Variants in CDC42BPG observed in about 807,000 individuals in gnomAD.
CDC42BPG encodes the protein CDC42 binding protein kinase gamma, also known as serine/threonine-protein kinase MRCK gamma.
Under a neutral mutation model 192.2 loss-of-function variants are expected in CDC42BPG, and 157 were observed. The observed-to-expected ratio is 0.82, with a 90% confidence interval of 0.72 to 0.93. CDC42BPG has a LOEUF of 0.93. CDC42BPG is among the 40% of genes least tolerant of loss of function. CDC42BPG has a pLI of 0.00. For synonymous variants in CDC42BPG, 981 were observed against 918.5 expected (o/e 1.07, Z -1.23); for missense variants, 1,992 against 2,122.1 (o/e 0.94, Z 1.20).
chr11:64,836,461 C>T lies in CDC42BPG; in HGVS notation c.1454G>A (p.Ser485Asn). ...TCGGTCAAGCTCCTGCCGTAGGTCA[C>T]TGTCCTGACCTGGGCTACCAGCTGG... Reference protein sequence around the residue: ...GPPAGSPGQDSDLRQELDRLH... With the variant: ...GPPAGSPGQDNDLRQELDRLH... Residue 485 changes from serine (S) to asparagine (N), a missense_variant, in exon 12 of 37, where the codon AGT becomes AAT. Physicochemically the swap from Ser to Asn is conservative, Grantham distance 46. Coordinates refer to ENST00000342711, the MANE Select transcript of CDC42BPG (RefSeq NM_017525.3). The T allele has an allele frequency of 3.1e-6, 5 of 1,613,674 alleles. No homozygotes were observed. Among genetic ancestry groups the T allele is most frequent in the Non-Finnish European group, 4.2e-6 (5 of 1,179,998 alleles).
chr11:64,839,099 G>T lies in CDC42BPG; in HGVS notation c.810C>A (p.Leu270=). The part of the protein sequence containing the change: ...WSLGVCAYEL[L]FGETPFYAES... ...CAGCATAGAAGGGCGTCTCCCCAAAGAGCAGCTCATAGGCGCAGACTCCAA... is the reference window on the plus strand; with the variant it reads ...CAGCATAGAAGGGCGTCTCCCCAAATAGCAGCTCATAGGCGCAGACTCCAA... Residue 270 remains leucine (L), a synonymous_variant, in exon 7 of 37, where the codon CTC becomes CTA. Transcript: ENST00000342711. 1 of 1,613,630 alleles carries T rather than the reference G, an allele frequency of 6.2e-7. No individual in the cohort carries two copies. The highest frequency in any genetic ancestry group is 8.5e-7 in the Non-Finnish European group (1 of 1,180,036).
At chr11:64,841,001 C>T (rs186573308) in intron 3 of CDC42BPG, among the ~76,000 whole-genome samples, 1 of 151,886 alleles carries the variant, frequency 6.6e-6, no homozygotes, top group East Asian at 1.9e-4. Context: ...ATACAAGAAA[C>T]TTAGCTGGGT....
Position 64,840,598 on chromosome 11 carries a change from A to G in CDC42BPG, c.387T>C (p.Arg129=), listed in dbSNP as rs1483705679. 14 of 1,613,812 alleles carry G rather than the reference A, an allele frequency of 8.7e-6. No homozygotes were observed. The highest frequency in any genetic ancestry group is 1.3e-5 in the African/African-American group (1 of 74,926). The change falls in exon 4 of 37, where the codon CGT becomes CGC. Residue 129 remains arginine (R), a synonymous_variant. Transcript: ENST00000342711. ...ERDVLVKGDS[R]WVTTLHYAFQ... The stretch of plus-strand genomic sequence containing the variant: ...AGGCATAGTGCAGAGTGGTCACCCA[A>G]CGGCTGTCCCCTTTCACGAGCACAT...
chr11:64,839,295 C>G, intron 6 of CDC42BPG, 62 bp from the exon 7 acceptor site: 1 of 1,585,306 alleles, frequency 6.3e-7, no homozygotes, highest in Non-Finnish European at 8.6e-7. Context: ...CTGCTGGCTC[C>G]TCGCGATGGC....
chr11:64,835,077 C>T lies in CDC42BPG; in HGVS notation c.2030G>A (p.Trp677Ter). 1.2e-6 allele frequency: 2 copies of T among 1,602,906 alleles called. No homozygotes were observed. The highest frequency in any genetic ancestry group is 2.2e-5 in the East Asian group (1 of 44,854). ...GAGGATGTCGGCGAGCTGGGCCTCC[C>T]AGTTGCTCTCCGTCTCCCGCCGCTC... is the stretch of plus-strand genomic sequence containing the variant. ...EGERRETESNWEAQLADILSW... is the reference protein window; with the variant it reads ...EGERRETESN The change falls in exon 17 of 37, where the codon TGG becomes TAG. Residue 677 changes from tryptophan to a stop codon, truncating the protein, a stop_gained. Transcript: ENST00000342711. LOFTEE classifies it high-confidence loss of function.
At position 64,836,720 on chromosome 11, in the gene CDC42BPG, G is replaced by GGGGGGGGGGGGAA; in HGVS notation, c.1384+18_1384+19insTTCCCCCCCCCCC. The GGGGGGGGGGGGAA allele has an allele frequency of 1.2e-6, 1 of 843,816 alleles. No homozygotes were observed. The highest frequency in any genetic ancestry group is 1.7e-6 in the Non-Finnish European group (1 of 584,544). The allele number at this position is 843,816 out of a possible 1,614,324, so 52.3% of individuals were successfully genotyped here. A position where few individuals can be genotyped will look rare whatever the true frequency, so the allele number is the denominator to read the frequency against. On this transcript the variant is annotated intron_variant, in intron 11 of 36. Coordinates refer to ENST00000342711, the MANE Select transcript of CDC42BPG (RefSeq NM_017525.3). ...GGACTCAGCCCTGGGGGGGGGGGGG[G>GGGGGGGGGGGGAA]GGTGGGCGGAAGGGATACCTGGCAG...
In CDC42BPG at chr11:64,833,636, A is replaced by G. The variant is rs761404760; in HGVS notation, c.2589T>C (p.Thr863=). 1 of 1,612,232 alleles carries G rather than the reference A, an allele frequency of 6.2e-7. No individual in the cohort carries two copies. Among genetic ancestry groups the G allele is most frequent in the South Asian group, 1.1e-5 (1 of 90,808 alleles). ...GACCTTCTGTAGAGGCTGTGTTGGC[A>G]GTGGGTGCTCTGGGGAACACAGCCT... is the stretch of plus-strand genomic sequence containing the variant. ...RMGAVFPRAP[T]ANTASTEGLP... The change falls in exon 23 of 37, where the codon ACT becomes ACC. Residue 863 remains threonine (T), a synonymous_variant. Transcript: ENST00000342711.
chr11:64,825,503 G>A (rs1293644929), intron 36 of CDC42BPG, among the ~76,000 whole-genome samples: 1 of 152,198 alleles, frequency 6.6e-6, no homozygotes, highest in Non-Finnish European at 1.5e-5. Context: ...GCAGTCTGAT[G>A]TTGGTTAAGG....
rs1423185687 is a variant in CDC42BPG at position 64,836,783 on chromosome 11, T to C, written c.1340A>G (p.Glu447Gly). ...LHAPTDHREL[E>G]QLRKEVQTLR... ...AGTCTGCACTTCCTTCCGTAGCTGCTCCAGCTCCCGATGGTCTGTGGGGGC... is the reference window on the plus strand; with the variant it reads ...AGTCTGCACTTCCTTCCGTAGCTGCCCCAGCTCCCGATGGTCTGTGGGGGC... The change falls in exon 11 of 37, where the codon GAG (glutamate) becomes GGG (glycine). Residue 447 changes from glutamate to glycine, a missense_variant. Glu to Gly is a moderately conservative substitution (Grantham distance 98). Coordinates refer to ENST00000342711, the MANE Select transcript of CDC42BPG (RefSeq NM_017525.3). 28 of 1,537,862 alleles carry C rather than the reference T, an allele frequency of 1.8e-5. No individual in the cohort carries two copies. The highest frequency in any genetic ancestry group is 2.5e-5 in the Non-Finnish European group (28 of 1,136,944).
At chr11:64,835,683 C>A (rs1784143626) in intron 14 of CDC42BPG, 62 bp from the exon 15 acceptor site, 1 of 1,595,000 alleles carries the variant, frequency 6.3e-7, no homozygotes, top group Admixed American at 1.7e-5. Flanking sequence ...CCACCTGGGA[C>A]ACAGGCCTGG....
intron 36 of CDC42BPG, among the ~76,000 whole-genome samples, chr11:64,825,100 A>ATTTTT (rs1412339064): frequency 5.9e-5 from 9 of 152,092 alleles, no homozygotes; most frequent in African/African-American, 2.2e-4. Context: ...TATTTTTAGT[A>ATTTTT]GAGACAGGGT....
intron 8 of CDC42BPG, 72 bp from the exon 9 acceptor site, chr11:64,838,234 T>A: frequency 1.6e-6 from 2 of 1,233,754 alleles, no homozygotes; most frequent in Non-Finnish European, 2.3e-6. Context: ...AGGAGCCCCC[T>A]GGGACCAGGT....
chr11:64,844,572 C>G lies in CDC42BPG; in HGVS notation c.-3G>C. 2 of 1,268,470 alleles carry G rather than the reference C, an allele frequency of 1.6e-6. No homozygotes were observed. Among genetic ancestry groups the G allele is most frequent in the African/African-American group, 1.6e-5 (1 of 64,130 alleles). 78.6% of individuals were successfully genotyped at this position (1,268,470 alleles called of 1,614,324 possible). ...AGCGCGCGCAGCCGCCGCTCCATGG[C>G]TGCGGCCGGAGCCTCGCTGCTCGGC... On this transcript the variant is annotated 5_prime_UTR_variant, in exon 1 of 37. Transcript: ENST00000342711.
Position 64,832,426 on chromosome 11 carries a change from AC to A in CDC42BPG, c.3087+1del. The A allele has an allele frequency of 6.2e-7, 1 of 1,613,520 alleles. No individual in the cohort carries two copies. The highest frequency in any genetic ancestry group is 8.5e-7 in the Non-Finnish European group (1 of 1,179,768). ...CTGCTCCATCTCATCCCAGGCACTCACCCTAAAGATGCGTGGCAGGTCCCTG... is the reference window on the plus strand; with the variant it reads ...CTGCTCCATCTCATCCCAGGCACTCACCTAAAGATGCGTGGCAGGTCCCTG... On this transcript the variant is annotated splice_donor_variant, in intron 27 of 36. Coordinates refer to ENST00000342711, the MANE Select transcript of CDC42BPG (RefSeq NM_017525.3). LOFTEE classifies it high-confidence loss of function.
rs1942874795 is a variant in CDC42BPG at position 64,834,482 on chromosome 11, C to T, written c.2271G>A (p.Gln757=). The change falls in exon 19 of 37, where the codon CAG becomes CAA. Residue 757 remains glutamine, a synonymous_variant. Coordinates refer to ENST00000342711, the MANE Select transcript of CDC42BPG (RefSeq NM_017525.3). ...CCTGTGTCAGCCGCTCCTGCAGGCC[C>T]TGCTTGGCGCGGATCTCGGCCTCCA... ...SALEAEIRAK[Q]GLQERLTQVQ... 3 of 1,572,368 alleles carry T rather than the reference C, an allele frequency of 1.9e-6. No homozygotes were observed. Among genetic ancestry groups the T allele is most frequent in the Non-Finnish European group, 2.6e-6 (3 of 1,159,478 alleles).
chr11:64,835,861 G>A lies in CDC42BPG; in HGVS notation c.1669-10C>T, dbSNP rs760698180. 16 of 1,606,070 alleles carry A rather than the reference G, an allele frequency of 1.0e-5. No individual in the cohort carries two copies. Among genetic ancestry groups the A allele is most frequent in the Admixed American group, 1.7e-5 (1 of 59,228 alleles). The stretch of plus-strand genomic sequence containing the variant: ...ACACCTGGGCCTCCAGCTGTGAGGG[G>A]TGCAGAGGCAGGCCACTGCCAACTC... On this transcript the variant is annotated splice_polypyrimidine_tract_variant and intron_variant, in intron 13 of 36. Transcript: ENST00000342711.
rs750411179 is a variant in CDC42BPG at position 64,826,461 on chromosome 11, C to T, written c.4599+9G>A. The T allele has an allele frequency of 5.7e-6, 9 of 1,584,134 alleles. No homozygotes were observed. The highest frequency in any genetic ancestry group is 4.6e-5 in the South Asian group (4 of 86,932). ...ATAGGGGACGGACAAGCCTCCCGGA[C>T]CCGCTCACCTGCATTAGGGAGGTTG... On this transcript the variant is annotated intron_variant, in intron 36 of 36. Transcript: ENST00000342711.
Position 64,836,925 on chromosome 11 carries a change from G to A in CDC42BPG, c.1300C>T (p.Gln434Ter). 2 of 1,613,362 alleles carry A rather than the reference G, an allele frequency of 1.2e-6. No individual in the cohort carries two copies. Among genetic ancestry groups the A allele is most frequent in the Non-Finnish European group, 1.7e-6 (2 of 1,179,820 alleles). The change falls in exon 10 of 37, where the codon CAA becomes TAA. Residue 434 changes from glutamine (Q) to a stop codon, truncating the protein, a stop_gained. Coordinates refer to ENST00000342711, the MANE Select transcript of CDC42BPG (RefSeq NM_017525.3). LOFTEE classifies it high-confidence loss of function. ...CCGGCCCAGCCGCTCCCAGTACCTTGGTGCTTCCTGCTCAGCTCCACCTTC... is the reference window on the plus strand; with the variant it reads ...CCGGCCCAGCCGCTCCCAGTACCTTAGTGCTTCCTGCTCAGCTCCACCTTC... Reference protein sequence around the residue: ...QEKVELSRKHQEALHAPTDHR... With the variant: ...QEKVELSRKH
intron 26 of CDC42BPG, 21 bp from the exon 27 acceptor site, chr11:64,832,530 G>T (rs494252): frequency 0.11 from 183,973 of 1,613,830 alleles, 12,338 homozygotes; most frequent in East Asian, 0.14. Context: ...CACAGAACAG[G>T]TCAGAAATCT....
Sources: gnomAD v4.1 joint callset for allele counts (sites outside exome capture counted in the v4.1 genomes callset) on GRCh38, gnomAD v4.1.1 for gene constraint, MANE v1.5 for transcripts, NCBI Gene and HGNC (gene_info 2026-07-23, HGNC 2026-07-21) for gene names.